Variants in MAGI2 observed in about 807,000 individuals in gnomAD.
MAGI2 encodes membrane-associated guanylate kinase, WW and PDZ domain-containing protein 2.
Under a neutral mutation model 133.3 loss-of-function variants are expected in MAGI2, and 35 were observed. The ratio of observed to expected loss-of-function variants is 0.26; its 90% confidence interval spans 0.20 to 0.35. The LOEUF (loss-of-function observed/expected upper bound fraction) is 0.35. Among genes scored for constraint, MAGI2 ranks in the 10% least tolerant of loss-of-function variants. The pLI, the probability that MAGI2 is intolerant of heterozygous loss-of-function variation, is 1.00. For synonymous variants in MAGI2, 729 were observed against 710.6 expected, an observed-to-expected ratio of 1.03 and a Z score of -0.41; for missense variants, 1,636 against 1,863.4, an observed-to-expected ratio of 0.88 and a Z score of 2.25.
chr7:78,085,142 A>G (rs951947723), intron 20 of MAGI2, among the ~76,000 whole-genome samples: 7 of 152,206 alleles, frequency 4.6e-5, no homozygotes, highest in African/African-American at 1.7e-4. Flanking sequence ...GTTTGAGAGC[A>G]CCAGAACTGT....
intron 10 of MAGI2, among the ~76,000 whole-genome samples, chr7:78,230,383 TTTTA>T (rs1279206386): frequency 1.3e-5 from 2 of 152,240 alleles, no homozygotes; most frequent in Non-Finnish European, 2.9e-5. Flanking sequence ...TAGAACGTGA[TTTTA>T]TTTCTCTATT....
chr7:78,497,944 G>A (rs1012184101), intron 5 of MAGI2, among the ~76,000 whole-genome samples: 1 of 152,256 alleles, frequency 6.6e-6, no homozygotes, highest in African/African-American at 2.4e-5. Flanking sequence ...CAAGAGAAAA[G>A]TTTTTACTGA....
At chr7:78,829,596 A>G (rs1042436372) in intron 2 of MAGI2, among the ~76,000 whole-genome samples, 5 of 152,254 alleles carry the variant, frequency 3.3e-5, no homozygotes, top group South Asian at 4.1e-4. Context: ...AGCCTGCTAT[A>G]GATAACTCAG....
At chr7:78,309,329 C>T (rs1159005116) in intron 9 of MAGI2, among the ~76,000 whole-genome samples, 1 of 152,148 alleles carries the variant, frequency 6.6e-6, no homozygotes, top group African/African-American at 2.4e-5. Flanking sequence ...AAATATGATA[C>T]ATATACACCA....
chr7:78,322,413 T>C (rs113681582), intron 9 of MAGI2, among the ~76,000 whole-genome samples: 27,502 of 152,174 alleles, frequency 0.18, 3,881 homozygotes, highest in African/African-American at 0.38. Flanking sequence ...ATATACACCA[T>C]GGAATACTAT....
At chr7:78,744,886 A>G (rs1055718500) in intron 2 of MAGI2, among the ~76,000 whole-genome samples, 1 of 152,216 alleles carries the variant, frequency 6.6e-6, no homozygotes, top group African/African-American at 2.4e-5. Flanking sequence ...CACAGTAATC[A>G]CAACAGCTTC....
At chr7:78,557,097 A>AAAAAAAAAAAAAAAAAAAAAG (rs1554473311) in intron 3 of MAGI2, among the ~76,000 whole-genome samples, 2 of 138,960 alleles carry the variant, frequency 1.4e-5, no homozygotes, top group African/African-American at 6.0e-5. Context: ...AAAAAAAAAA[A>AAAAAAAAAAAAAAAAAAAAAG]AAAGAAAAAG....
chr7:78,063,941 C>A (rs6954104), intron 21 of MAGI2, among the ~76,000 whole-genome samples: 1 of 151,916 alleles, frequency 6.6e-6, no homozygotes, highest in Non-Finnish European at 1.5e-5. Flanking sequence ...TGGTGCTTGA[C>A]AGATGCTTAT....
At chr7:78,290,169 A>G (rs1308662813) in intron 9 of MAGI2, among the ~76,000 whole-genome samples, 9 of 152,354 alleles carry the variant, frequency 5.9e-5, no homozygotes, top group Admixed American at 2.6e-4. Flanking sequence ...AATTGGATAA[A>G]GAGTCAAGAC....
intron 3 of MAGI2, among the ~76,000 whole-genome samples, chr7:78,565,044 C>T (rs1157876189): frequency 6.6e-6 from 1 of 151,972 alleles, no homozygotes; most frequent in African/African-American, 2.4e-5. Context: ...CCGTCTGCCT[C>T]AGCCTTCCAA....
chr7:78,747,532 A>T (rs1014818738), intron 2 of MAGI2, among the ~76,000 whole-genome samples: 17 of 152,282 alleles, frequency 1.1e-4, no homozygotes, highest in South Asian at 1.0e-3. Flanking sequence ...CAGAAAAAAA[A>T]AATCAAATAA....
chr7:78,848,808 A>G (rs1563576264), intron 2 of MAGI2, among the ~76,000 whole-genome samples: 1 of 152,002 alleles, frequency 6.6e-6, no homozygotes, highest in Non-Finnish European at 1.5e-5. Flanking sequence ...CTCACCACCT[A>G]TGTAATGTCA....
intron 4 of MAGI2, among the ~76,000 whole-genome samples, chr7:78,505,455 A>C (rs1331814690): frequency 6.6e-6 from 1 of 152,150 alleles, no homozygotes; most frequent in Non-Finnish European, 1.5e-5. Flanking sequence ...AAAAACAGGT[A>C]CCACTGCTAA....
At chr7:78,782,491 G>C (rs2151344683) in intron 2 of MAGI2, among the ~76,000 whole-genome samples, 1 of 152,274 alleles carries the variant, frequency 6.6e-6, no homozygotes, top group African/African-American at 2.4e-5. Context: ...GAGAGGTTCA[G>C]AGCTGGGAAT....
intron 4 of MAGI2, among the ~76,000 whole-genome samples, chr7:78,514,643 G>A (rs369524007): frequency 5.3e-5 from 8 of 152,298 alleles, no homozygotes; most frequent in East Asian, 3.9e-4. Context: ...GGGCATTGGC[G>A]TTGGGGTGGT....
At chr7:78,987,398 G>A (rs893488561) in intron 2 of MAGI2, among the ~76,000 whole-genome samples, 2 of 151,944 alleles carry the variant, frequency 1.3e-5, no homozygotes, top group South Asian at 2.1e-4. Flanking sequence ...ATTATTTTCC[G>A]TACATGTTGA....
chr7:78,616,885 T>C (rs1304761563), intron 3 of MAGI2: 1 of 152,180 alleles, frequency 6.6e-6, no homozygotes, highest in Non-Finnish European at 1.5e-5. Flanking sequence ...ACTGCTTAGG[T>C]GCCAGTGATT....
At chr7:78,496,466 C>T (rs150893783) in intron 5 of MAGI2, among the ~76,000 whole-genome samples, 72 of 152,306 alleles carry the variant, frequency 4.7e-4, no homozygotes, top group African/African-American at 1.6e-3. Context: ...TCCCAAAGCA[C>T]GTCAATCCAG....
In MAGI2 at chr7:79,300,922, C is replaced by T. The variant is rs142069876; in HGVS notation, c.301+152098G>A. On this transcript the variant is annotated intron_variant, in intron 1 of 21. Coordinates refer to ENST00000354212, the MANE Select transcript of MAGI2 (RefSeq NM_012301.4). ...GCCTTAGCTCAAGGGGGTCCAGGTA[C>T]AGCTCAGGCTGCAGCTCCAGAGGGT... is the stretch of plus-strand genomic sequence containing the variant. Among the ~76,000 whole-genome samples the T allele has an allele frequency of 1.7e-3, 258 of 152,356 alleles. 2 individuals carry two copies. The highest frequency in any genetic ancestry group is 6.0e-3 in the African/African-American group (249 of 41,586).
Sources: allele counts gnomAD v4.1 joint callset (sites outside exome capture counted in the v4.1 genomes callset), GRCh38; gene constraint gnomAD v4.1.1; transcripts MANE v1.5; gene names NCBI Gene and HGNC (gene_info 2026-07-23, HGNC 2026-07-21).